The following ADARB2 variants were observed in gnomAD, a reference collection of about 807,000 sequenced individuals.
ADARB2 encodes inactive double-stranded RNA-specific editase B2.
Under a neutral mutation model 62.2 loss-of-function variants are expected in ADARB2, and 25 were observed. That is an observed-to-expected ratio of 0.40 (90% CI 0.29 to 0.56). ADARB2 has a LOEUF of 0.56. Among genes scored for constraint, ADARB2 ranks in the 20% least tolerant of loss-of-function variants. The pLI, the probability that ADARB2 is intolerant of heterozygous loss-of-function variation, is 0.43. For synonymous variants in ADARB2, 572 were observed against 500.8 expected (o/e 1.14, Z -1.90); for missense variants, 1,071 against 1,077.4 (o/e 0.99, Z 0.08).
chr10:1,673,286 G>A (rs1007000799), intron 1 of ADARB2, among the ~76,000 whole-genome samples: 7 of 150,818 alleles, frequency 4.6e-5, no homozygotes, highest in African/African-American at 9.8e-5. Flanking sequence ...TTTCAGATGC[G>A]TAACAAGTGA....
intron 3 of ADARB2, among the ~76,000 whole-genome samples, chr10:1,338,104 T>C (rs771267773): frequency 3.9e-5 from 6 of 152,252 alleles, no homozygotes; most frequent in Admixed American, 3.3e-4. Flanking sequence ...CTGAAGCTAG[T>C]CCATGTGGAA....
In ADARB2 at chr10:1,181,626, G is replaced by A. The variant is rs528855306; in HGVS notation, c.*1567C>T. Reference sequence around the variant, plus strand: ...TTTCTGCCTTCTCATTATGATAACTGTAATTTATAGCACTTGACTATGTAC... The same window carrying A: ...TTTCTGCCTTCTCATTATGATAACTATAATTTATAGCACTTGACTATGTAC... On this transcript the variant is annotated 3_prime_UTR_variant, in exon 10 of 10. Coordinates refer to ENST00000381312, the MANE Select transcript of ADARB2 (RefSeq NM_018702.4). The A allele has an allele frequency of 5.3e-5, 8 of 152,304 alleles. No individual in the cohort carries two copies. Among genetic ancestry groups the A allele is most frequent in the African/African-American group, 1.7e-4 (7 of 41,548 alleles). 9.4% of individuals were successfully genotyped at this position (152,304 alleles called of 1,614,324 possible).
chr10:1,428,522 C>T (rs866563167), intron 1 of ADARB2, among the ~76,000 whole-genome samples: 5 of 151,762 alleles, frequency 3.3e-5, no homozygotes, highest in South Asian at 4.2e-4. Flanking sequence ...CTCCTGACCT[C>T]GTGATCCGCC....
intron 1 of ADARB2, among the ~76,000 whole-genome samples, chr10:1,637,107 G>A (rs971734775): frequency 6.6e-6 from 1 of 152,092 alleles, no homozygotes; most frequent in Non-Finnish European, 1.5e-5. Context: ...CAACACAACA[G>A]ATGTAGACAC....
At chr10:1,523,783 G>C (rs1832104148) in intron 1 of ADARB2, among the ~76,000 whole-genome samples, 1 of 152,070 alleles carries the variant, frequency 6.6e-6, no homozygotes, top group Non-Finnish European at 1.5e-5. Context: ...CATTATATCA[G>C]CACAAATCTT....
At chr10:1,225,366 A>G (rs927542811) in intron 6 of ADARB2, among the ~76,000 whole-genome samples, 3 of 151,898 alleles carry the variant, frequency 2.0e-5, no homozygotes, top group African/African-American at 7.3e-5. Context: ...TCTTTTTCCA[A>G]TTTGCCAGTC....
chr10:1,585,806 G>A (rs1344362434), intron 1 of ADARB2, among the ~76,000 whole-genome samples: 5 of 152,262 alleles, frequency 3.3e-5, no homozygotes, highest in Non-Finnish European at 4.4e-5. Context: ...AGGCCAAGGT[G>A]GGCAGATCAC....
At chr10:1,595,555 C>T (rs893738886) in intron 1 of ADARB2, among the ~76,000 whole-genome samples, 1 of 152,178 alleles carries the variant, frequency 6.6e-6, no homozygotes, top group Non-Finnish European at 1.5e-5. Context: ...GGCTGAGGGC[C>T]GAGGCTCAGC....
At chr10:1,199,079 G>A (rs946834273) in intron 8 of ADARB2, among the ~76,000 whole-genome samples, 10 of 152,176 alleles carry the variant, frequency 6.6e-5, no homozygotes, top group South Asian at 4.1e-4. Flanking sequence ...GGTTTTCTCC[G>A]TTTCCCCCAC....
At chr10:1,329,801 C>T (rs976347229) in intron 3 of ADARB2, among the ~76,000 whole-genome samples, 29 of 152,136 alleles carry the variant, frequency 1.9e-4, no homozygotes, top group African/African-American at 6.7e-4. Context: ...TGGACAGAAG[C>T]GTTTGTAAGA....
At chr10:1,518,486 A>T (rs536621728) in intron 1 of ADARB2, among the ~76,000 whole-genome samples, 38 of 152,328 alleles carry the variant, frequency 2.5e-4, no homozygotes, top group African/African-American at 8.7e-4. Context: ...GACCTCCCCA[A>T]GGGGTGTCAG....
At chr10:1,646,495 T>C (rs1294369301) in intron 1 of ADARB2, among the ~76,000 whole-genome samples, 2 of 152,152 alleles carry the variant, frequency 1.3e-5, no homozygotes, top group Non-Finnish European at 2.9e-5. Flanking sequence ...TTGATGACTA[T>C]TGGGAAGGGC....
At chr10:1,269,052 C>T (rs1375693431) in intron 4 of ADARB2, among the ~76,000 whole-genome samples, 2 of 152,172 alleles carry the variant, frequency 1.3e-5, no homozygotes, top group Non-Finnish European at 1.5e-5. Flanking sequence ...GCCTCTGGGG[C>T]TGGAAGTGCA....
At chr10:1,583,573 G>A (rs4880880) in intron 1 of ADARB2, among the ~76,000 whole-genome samples, 27,533 of 152,018 alleles carry the variant, frequency 0.18, 2,970 homozygotes, top group East Asian at 0.39. Context: ...TACGAAACTC[G>A]AAAGAAAGAA....
At chr10:1,731,510 A>G (rs1160520798) in intron 1 of ADARB2, among the ~76,000 whole-genome samples, 1 of 152,196 alleles carries the variant, frequency 6.6e-6, no homozygotes, top group Admixed American at 6.5e-5. Context: ...AAATTTTATA[A>G]GCATTGTTTC....
chr10:1,440,834 G>A (rs1830896816), intron 1 of ADARB2, among the ~76,000 whole-genome samples: 1 of 152,228 alleles, frequency 6.6e-6, no homozygotes, highest in Admixed American at 6.5e-5. Context: ...GAGAACATGA[G>A]CACAGACTTC....
intron 1 of ADARB2, among the ~76,000 whole-genome samples, chr10:1,558,034 A>G (rs919889323): frequency 3.9e-5 from 6 of 152,154 alleles, no homozygotes; most frequent in South Asian, 2.1e-4. Flanking sequence ...TCCCAGCCTC[A>G]GTGGCATCAC....
At chr10:1,549,776 G>A (rs11250615) in intron 1 of ADARB2, among the ~76,000 whole-genome samples, 51,422 of 151,904 alleles carry the variant, frequency 0.34, 9,208 homozygotes, top group Non-Finnish European at 0.4. Context: ...GGGACAACCC[G>A]ATCCCTGTTC....
At chr10:1,368,963 G>A (rs377762526) in intron 2 of ADARB2, among the ~76,000 whole-genome samples, 9 of 152,288 alleles carry the variant, frequency 5.9e-5, no homozygotes, top group African/African-American at 2.2e-4. Context: ...GAGGGTGGGA[G>A]CTGGTCCTAG....
Sources: gnomAD v4.1 joint callset for allele counts (sites outside exome capture counted in the v4.1 genomes callset) on GRCh38, gnomAD v4.1.1 for gene constraint, MANE v1.5 for transcripts, NCBI Gene and HGNC (gene_info 2026-07-23, HGNC 2026-07-21) for gene names.